Variants in GPC3 observed in about 807,000 individuals in gnomAD.
The protein encoded by GPC3 is glypican-3.
Under a neutral mutation model 34.4 loss-of-function variants are expected in GPC3, and 3 were observed. The observed-to-expected ratio is 0.09, with a 90% CI of 0.04 to 0.23. GPC3 has a LOEUF of 0.23. Among genes scored for constraint, GPC3 ranks in the 10% least tolerant of loss-of-function variants. The probability of loss-of-function intolerance (pLI) is 1.00; values close to 1 mark genes in which losing one functional copy is unlikely to be tolerated. For missense variants in GPC3, 351 were observed against 445.6 expected (o/e 0.79, Z 1.91); for synonymous variants, 177 against 174.0 (o/e 1.02, Z -0.13).
intron 3 of GPC3, among the ~76,000 whole-genome samples, chrX:133,746,156 C>G (rs1478115521): frequency 8.9e-6 from 1 of 112,130 alleles, no homozygotes; most frequent in African/African-American, 3.2e-5. Context: ...ATCTCTGACT[C>G]AGGAGTCTTA....
intron 2 of GPC3, among the ~76,000 whole-genome samples, chrX:133,834,990 G>C (rs776928663): frequency 8.9e-6 from 1 of 112,028 alleles, no homozygotes; most frequent in Non-Finnish European, 1.9e-5. Flanking sequence ...GACTTATCTA[G>C]ATACTTCATG....
chrX:133,673,706 C>T (rs2070856097), intron 5 of GPC3, among the ~76,000 whole-genome samples: 1 of 111,878 alleles, frequency 8.9e-6, no homozygotes, highest in African/African-American at 3.3e-5. Flanking sequence ...AATAGTGAAA[C>T]CTTGCCGAAC....
intron 2 of GPC3, among the ~76,000 whole-genome samples, chrX:133,802,800 A>T (rs1334622868): frequency 9.0e-6 from 1 of 111,382 alleles, no homozygotes; most frequent in Non-Finnish European, 1.9e-5. Context: ...GAAAATAGGG[A>T]CTGTGTCCAG....
chrX:133,908,288 A>G (rs2076179320), intron 2 of GPC3, among the ~76,000 whole-genome samples: 1 of 111,706 alleles, frequency 9.0e-6, no homozygotes, highest in South Asian at 3.8e-4. Flanking sequence ...TCACAATTGG[A>G]AATTTCACTC....
chrX:133,958,358 T>C (rs1001997647), intron 1 of GPC3, among the ~76,000 whole-genome samples: 8 of 109,563 alleles, frequency 7.3e-5, no homozygotes, highest in Non-Finnish European at 1.1e-4. Context: ...CTGGGCAACA[T>C]AGTGAGACCC....
At chrX:133,838,934 A>C (rs1057197800) in intron 2 of GPC3, among the ~76,000 whole-genome samples, 2 of 111,734 alleles carry the variant, frequency 1.8e-5, no homozygotes, top group Non-Finnish European at 3.8e-5. Flanking sequence ...AGACTTCAAC[A>C]GGCAGCTGAT....
chrX:133,736,026 C>A (rs1354487440), intron 3 of GPC3, among the ~76,000 whole-genome samples: 1 of 109,620 alleles, frequency 9.1e-6, no homozygotes. Context: ...TGTAAATAAT[C>A]CTTACAATTG....
chrX:133,952,371 T>G (rs905313172), intron 2 of GPC3, among the ~76,000 whole-genome samples: 3 of 111,967 alleles, frequency 2.7e-5, no homozygotes, highest in African/African-American at 9.7e-5. Context: ...CATATAAGTG[T>G]CTGCTATCAT....
At chrX:133,824,202 T>C (rs760509512) in intron 2 of GPC3, among the ~76,000 whole-genome samples, 2 of 111,714 alleles carry the variant, frequency 1.8e-5, no homozygotes, top group East Asian at 2.8e-4. Flanking sequence ...CATAAAATGA[T>C]AGATATAGAT....
intron 6 of GPC3, among the ~76,000 whole-genome samples, chrX:133,644,733 T>C (rs1175163756): frequency 9.0e-6 from 1 of 111,622 alleles, no homozygotes; most frequent in East Asian, 2.8e-4. Flanking sequence ...TATTTATGGG[T>C]CTCAAAAGTG....
intron 3 of GPC3, among the ~76,000 whole-genome samples, chrX:133,710,710 G>A (rs928634881): frequency 8.9e-6 from 1 of 112,141 alleles, no homozygotes; most frequent in Non-Finnish European, 1.9e-5. Context: ...TTTACCCTGT[G>A]TCTCATACCC....
chrX:133,899,168 TTGTCTC>T, intron 2 of GPC3, among the ~76,000 whole-genome samples: 1 of 112,494 alleles, frequency 8.9e-6, no homozygotes, highest in Non-Finnish European at 1.9e-5. Context: ...TTACATTTGT[TTGTCTC>T]TGTAAATGAA....
At chrX:133,923,793 A>G (rs1215395728) in intron 2 of GPC3, among the ~76,000 whole-genome samples, 3 of 112,538 alleles carry the variant, frequency 2.7e-5, no homozygotes, top group African/African-American at 9.7e-5. Flanking sequence ...TCCAAAGATG[A>G]TAACATCAGC....
At chrX:133,895,973 A>G (rs1364643207) in intron 2 of GPC3, among the ~76,000 whole-genome samples, 2 of 111,883 alleles carry the variant, frequency 1.8e-5, no homozygotes, top group African/African-American at 6.5e-5. Context: ...ATACATACTC[A>G]AAATCCAACT....
At position 133,753,609 on chromosome X, in the gene GPC3, G is replaced by A. The variant is rs771740118; in HGVS notation, c.905C>T (p.Ser302Phe). Reference sequence around the variant, plus strand: ...CATGCCATTCACAAGTTCTTCAAGGGACAGAATGTATTCTCTCCAGTACTT... The same window carrying A: ...CATGCCATTCACAAGTTCTTCAAGGAACAGAATGTATTCTCTCCAGTACTT... ...IDKYWREYIL[S>F]LEELVNGMYR... Residue 302 changes from serine (S) to phenylalanine (F), a missense_variant, in exon 3 of 8, where the codon TCC becomes TTC. Coordinates refer to ENST00000370818, the MANE Select transcript of GPC3 (RefSeq NM_004484.4). The A allele has an allele frequency of 4.1e-6, 5 of 1,208,993 alleles. No homozygotes were observed. The highest frequency in any genetic ancestry group is 5.6e-6 in the Non-Finnish European group (5 of 893,004).
intron 2 of GPC3, among the ~76,000 whole-genome samples, chrX:133,797,295 T>C (rs1287022593): frequency 9.0e-6 from 1 of 111,390 alleles, no homozygotes; most frequent in Admixed American, 9.5e-5. Context: ...ATTTTATTCA[T>C]CTTTTTTCTA....
At chrX:133,678,680 C>A (rs2070908398) in intron 5 of GPC3, among the ~76,000 whole-genome samples, 1 of 111,954 alleles carries the variant, frequency 8.9e-6, no homozygotes, top group South Asian at 3.8e-4. Flanking sequence ...CAGGGCACTG[C>A]TGCTAGATGC....
intron 6 of GPC3, among the ~76,000 whole-genome samples, chrX:133,651,460 A>G (rs1358820255): frequency 1.8e-5 from 2 of 111,617 alleles, no homozygotes; most frequent in Non-Finnish European, 3.8e-5. Flanking sequence ...ACTAAAAACT[A>G]ACATGTGTGC....
chrX:133,794,965 G>A (rs778783108), intron 2 of GPC3, among the ~76,000 whole-genome samples: 5 of 112,037 alleles, frequency 4.5e-5, no homozygotes, highest in South Asian at 3.8e-4. Context: ...ACTATGAACC[G>A]CTAGAGGGTC....
Sources: allele counts gnomAD v4.1 joint callset (sites outside exome capture counted in the v4.1 genomes callset), GRCh38; gene constraint gnomAD v4.1.1; transcripts MANE v1.5; gene names NCBI Gene and HGNC (gene_info 2026-07-23, HGNC 2026-07-21).